The following PTGS1 variants were observed in gnomAD, a reference collection of about 807,000 sequenced individuals.
PTGS1 encodes prostaglandin-endoperoxide synthase 1, also known as prostaglandin G/H synthase 1.
PTGS1 carries 40 observed loss-of-function variants against 63.0 expected under a neutral mutation model. The ratio of observed to expected loss-of-function variants is 0.63; its 90% CI spans 0.49 to 0.83. The LOEUF is 0.83. PTGS1 is among the 40% of genes least tolerant of loss of function. PTGS1 has a pLI of 0.00. For missense variants in PTGS1, 709 were observed against 786.5 expected (o/e 0.90, Z 1.18); for synonymous variants, 298 against 301.9 (o/e 0.99, Z 0.13).
intron 2 of PTGS1, chr9:122,371,975 G>T: frequency 1.5e-6 from 1 of 652,688 alleles, no homozygotes; most frequent in Non-Finnish European, 2.7e-6. Context: ...GCCACTCTGG[G>T]TTTCATGGGG....
At position 122,373,063 on chromosome 9, in the gene PTGS1, G is replaced by A. The variant is rs188394508; in HGVS notation, c.94+1791G>A. On this transcript the variant is annotated intron_variant, in intron 2 of 10. Transcript: ENST00000362012. ...GCTGCCTCTCAGTGCGAAGAATTGA[G>A]GGAGGCTTCTTGGATCTGATGACTT... 1.3e-4 allele frequency among the ~76,000 whole-genome samples: 20 copies of A among 152,318 alleles called. No homozygotes were observed. The East Asian group carries it at 3.9e-3, about 29-fold the overall frequency.
intron 9 of PTGS1, among the ~76,000 whole-genome samples, chr9:122,388,223 T>A (rs1337145512): frequency 3.3e-5 from 5 of 152,198 alleles, no homozygotes; most frequent in African/African-American, 1.2e-4. Context: ...TTCTTTTTTT[T>A]TAAATAGAGA....
intron 8 of PTGS1, among the ~76,000 whole-genome samples, chr9:122,385,167 A>G (rs1471103018): frequency 6.6e-6 from 1 of 152,178 alleles, no homozygotes; most frequent in Non-Finnish European, 1.5e-5. Flanking sequence ...CATGTTGGCC[A>G]GGATGATCTT....
At chr9:122,391,199 T>G (rs976019388) in intron 10 of PTGS1, among the ~76,000 whole-genome samples, 7 of 149,780 alleles carry the variant, frequency 4.7e-5, no homozygotes, top group Non-Finnish European at 8.9e-5. Context: ...TGCCCAAGAA[T>G]CTGCGTATTC....
chr9:122,377,753 GA>G (rs1267072948), intron 2 of PTGS1, 145 bp from the exon 3 acceptor site: 1 of 679,994 alleles, frequency 1.5e-6, no homozygotes, highest in Admixed American at 2.6e-5. Context: ...CCCCTTGGGG[GA>G]ACCCTGAAGC....
intron 9 of PTGS1, 143 bp from the exon 10 acceptor site, chr9:122,390,055 C>T: frequency 1.1e-6 from 1 of 923,226 alleles, no homozygotes; most frequent in Non-Finnish European, 1.5e-6. Flanking sequence ...AGGTCTGCAG[C>T]ATCACAACTG....
Position 122,371,065 on chromosome 9 carries a change from C to T in PTGS1, c.-20C>T. ...GCACAGGAGCCTGCACTCTGCGTCC[C>T]GCACCCCAGCAGCCGCGCCATGAGC... On this transcript the variant is annotated 5_prime_UTR_variant, in exon 1 of 11. Coordinates refer to ENST00000362012, the MANE Select transcript of PTGS1 (RefSeq NM_000962.4). The T allele has an allele frequency of 1.9e-6, 3 of 1,592,020 alleles. No homozygotes were observed. Among genetic ancestry groups the T allele is most frequent in the Non-Finnish European group, 2.6e-6 (3 of 1,176,120 alleles).
chr9:122,383,013 G>C (rs1588131315), intron 7 of PTGS1, among the ~76,000 whole-genome samples: 1 of 152,140 alleles, frequency 6.6e-6, no homozygotes, highest in African/African-American at 2.4e-5. Flanking sequence ...GACTTGGAGG[G>C]AGTGTAAAAA....
chr9:122,385,767 T>G (rs1837834617), intron 8 of PTGS1, among the ~76,000 whole-genome samples: 1 of 151,996 alleles, frequency 6.6e-6, no homozygotes, highest in Admixed American at 6.6e-5. Flanking sequence ...CCTCCACTTT[T>G]CCATCTTTTG....
Position 122,391,428 on chromosome 9 carries a change from C to CATATATATATACAT in PTGS1, c.1445-750_1445-749insCATATATATATATA, listed in dbSNP as rs1838274111. On this transcript the variant is annotated intron_variant, in intron 10 of 10. Coordinates refer to ENST00000362012, the MANE Select transcript of PTGS1 (RefSeq NM_000962.4). Reference sequence around the variant, plus strand: ...ATATATACATATATATATATATATACATATATATATATATATATTTCCCCC... The same window carrying CATATATATATACAT: ...ATATATACATATATATATATATATACATATATATATACATATATATATATATATATATTTCCCCC... 4.0e-5 allele frequency among the ~76,000 whole-genome samples: 4 copies of CATATATATATACAT among 99,626 alleles called. 1 individual carries two copies. Among genetic ancestry groups the CATATATATATACAT allele is most frequent in the Non-Finnish European group, 7.8e-5 (4 of 51,042 alleles). 65.4% of individuals were successfully genotyped at this position (99,626 alleles called of 152,430 possible). A position where few individuals can be genotyped will look rare whatever the true frequency, so the allele number is the denominator to read the frequency against.
chr9:122,390,102 G>A, intron 9 of PTGS1, 96 bp from the exon 10 acceptor site: 2 of 1,428,592 alleles, frequency 1.4e-6, no homozygotes, highest in Non-Finnish European at 9.4e-7. Flanking sequence ...AGCTCAGAAG[G>A]GACTCCCACT....
intron 9 of PTGS1, among the ~76,000 whole-genome samples, chr9:122,389,792 AAAAAT>A (rs1372596018): frequency 6.6e-6 from 1 of 152,030 alleles, no homozygotes; most frequent in African/African-American, 2.4e-5. Context: ...TCACCTCTAC[AAAAAT>A]AAAATAAAAC....
At chr9:122,370,548 T>C (rs951202312), upstream of PTGS1, 1 of 161,576 alleles carries the variant, frequency 6.2e-6, no homozygotes, top group African/African-American at 2.4e-5. Flanking sequence ...GTTTCTCATC[T>C]AGGAAACCAT....
Position 122,392,855 on chromosome 9 carries a change from T to A in PTGS1, c.*311T>A. The stretch of plus-strand genomic sequence containing the variant: ...TGGTTGATTTGTAACACAGTCATTC[T>A]AGGATGTGGAGCTACTGATGAAATC... On this transcript the variant is annotated 3_prime_UTR_variant, in exon 11 of 11. Transcript: ENST00000362012. 3.7e-6 allele frequency: 1 copy of A among 273,768 alleles called. No individual in the cohort carries two copies. The highest frequency in any genetic ancestry group is 6.9e-6 in the Non-Finnish European group (1 of 144,142). The allele number at this position is 273,768 out of a possible 1,614,324, so 17.0% of individuals were successfully genotyped here. A position where few individuals can be genotyped will look rare whatever the true frequency, so the allele number is the denominator to read the frequency against.
At position 122,393,925 on chromosome 9, in the gene PTGS1, A is replaced by G. The variant is rs201144400; in HGVS notation, c.*1381A>G. 6.6e-6 allele frequency: 1 copy of G among 152,274 alleles called. No individual in the cohort carries two copies. The highest frequency in any genetic ancestry group is 1.5e-5 in the Non-Finnish European group (1 of 68,058). 9.4% of individuals were successfully genotyped at this position (152,274 alleles called of 1,614,324 possible). ...CAAATATGTATTTTCCTAAGTGTTT[A>G]CTATGTGCCAGTTCCTGTAACAGGT... On this transcript the variant is annotated 3_prime_UTR_variant, in exon 11 of 11. Transcript: ENST00000362012.
Position 122,378,453 on chromosome 9 carries a change from C to T in PTGS1, c.232C>T (p.Arg78Trp), listed in dbSNP as rs181947887. 1,115 of 1,614,068 alleles carry T rather than the reference C, an allele frequency of 6.9e-4. 10 individuals carry two copies. In the Admixed American group the frequency reaches 0.016, roughly 23 times the overall value. ...CTIPGLWTWL[R>W]NSLRPSPSFT... ...TGCAGCTGGCCTGTGGACCTGGCTC[C>T]GGAATTCACTGCGGCCCAGCCCCTC... The change falls in exon 4 of 11, where the codon CGG becomes TGG. Residue 78 changes from arginine (R) to tryptophan (W), a missense_variant. Coordinates refer to ENST00000362012, the MANE Select transcript of PTGS1 (RefSeq NM_000962.4).
chr9:122,395,369 G>T lies in PTGS1; in HGVS notation c.*2825G>T, dbSNP rs1181878471. ...GTGGATGTGATGGTTGGTTTTATTT[G>T]TCAGTTTGGTTGGGCTATAGCACAC... On this transcript the variant is annotated 3_prime_UTR_variant, in exon 11 of 11. Transcript: ENST00000362012. 6.6e-6 allele frequency: 1 copy of T among 152,152 alleles called. No individual in the cohort carries two copies. Among genetic ancestry groups the T allele is most frequent in the Non-Finnish European group, 1.5e-5 (1 of 68,026 alleles). The allele number at this position is 152,152 out of a possible 1,614,324, so 9.4% of individuals were successfully genotyped here.
intron 2 of PTGS1, among the ~76,000 whole-genome samples, chr9:122,376,845 C>A (rs1240569065): frequency 1.3e-5 from 2 of 152,114 alleles, no homozygotes; most frequent in Non-Finnish European, 2.9e-5. Flanking sequence ...GATGGTGGAT[C>A]CTACTGAACC....
chr9:122,380,251 C>T (rs1005780576), intron 5 of PTGS1, among the ~76,000 whole-genome samples: 41 of 151,942 alleles, frequency 2.7e-4, no homozygotes, highest in Non-Finnish European at 5.9e-5. Context: ...ATTGCTTGAG[C>T]TCAGGAGTTC....
Sources: allele counts gnomAD v4.1 joint callset (sites outside exome capture counted in the v4.1 genomes callset), GRCh38; gene constraint gnomAD v4.1.1; transcripts MANE v1.5; gene names NCBI Gene and HGNC (gene_info 2026-07-23, HGNC 2026-07-21).